SAMD3: variants seen among roughly 807,000 people sequenced by gnomAD.
SAMD3 encodes sterile alpha motif domain-containing protein 3.
A neutral mutation model predicts 58.5 loss-of-function variants in SAMD3; 63 were observed. The observed-to-expected ratio is 1.08, with a 90% CI of 0.88 to 1.33. The LOEUF (loss-of-function observed/expected upper bound fraction) is 1.33. Among genes scored for constraint, SAMD3 ranks in the 40% most tolerant of loss-of-function variants. SAMD3 has a pLI of 0.00. For synonymous variants in SAMD3, 220 were observed against 210.3 expected, an observed-to-expected ratio of 1.05 and a Z score of -0.40; for missense variants, 604 against 608.4, an observed-to-expected ratio of 0.99 and a Z score of 0.08.
At chr6:130,250,283 A>G (rs1244864849) in intron 2 of SAMD3, among the ~76,000 whole-genome samples, 1 of 152,094 alleles carries the variant, frequency 6.6e-6, no homozygotes, top group African/African-American at 2.4e-5. Flanking sequence ...TCCCCCTCCT[A>G]TTCTACGTTA....
intron 7 of SAMD3, among the ~76,000 whole-genome samples, chr6:130,180,993 G>T (rs1286848160): frequency 8.7e-6 from 1 of 114,904 alleles, no homozygotes; most frequent in Non-Finnish European, 1.7e-5. Flanking sequence ...TGTTACCTGG[G>T]CTGGAGTGCA....
intron 1 of SAMD3, among the ~76,000 whole-genome samples, chr6:130,357,946 T>C (rs1777882898): frequency 6.6e-6 from 1 of 152,364 alleles, no homozygotes; most frequent in Middle Eastern, 3.4e-3. Context: ...ATTTGGCAAG[T>C]ACTTGAGAAA....
At chr6:130,215,947 G>A (rs1299943345) in intron 2 of SAMD3, 1 of 958,252 alleles carries the variant, frequency 1.0e-6, no homozygotes, top group African/African-American at 1.6e-5. Context: ...ATACCCCTCT[G>A]AGTTCTAGAA....
chr6:130,317,223 C>T (rs190195153), intron 1 of SAMD3, among the ~76,000 whole-genome samples: 8 of 152,298 alleles, frequency 5.3e-5, no homozygotes, highest in Admixed American at 2.6e-4. Context: ...TGGAGCCCAA[C>T]GCTTTCCTAA....
At chr6:130,241,206 C>CT (rs57573903) in intron 2 of SAMD3, among the ~76,000 whole-genome samples, 1,336 of 109,212 alleles carry the variant, frequency 0.012, 26 homozygotes, top group African/African-American at 0.02. Context: ...CTTAAACCTC[C>CT]TTTTTTTTTT....
At chr6:130,219,744 G>C (rs575897461) in intron 1 of SAMD3, among the ~76,000 whole-genome samples, 1 of 152,272 alleles carries the variant, frequency 6.6e-6, no homozygotes, top group East Asian at 1.9e-4. Flanking sequence ...GATGGGGTTT[G>C]GGGTTGGTTC....
intron 7 of SAMD3, among the ~76,000 whole-genome samples, chr6:130,178,948 T>C (rs1019719457): frequency 2.6e-5 from 4 of 152,184 alleles, no homozygotes; most frequent in African/African-American, 9.7e-5. Flanking sequence ...GACTTTACCA[T>C]TGCTGTTTTA....
intron 1 of SAMD3, among the ~76,000 whole-genome samples, chr6:130,347,671 G>A (rs1421331362): frequency 6.6e-6 from 1 of 152,116 alleles, no homozygotes; most frequent in Non-Finnish European, 1.5e-5. Context: ...TTATCCAGGA[G>A]AACTTCCCCA....
At position 130,154,892 on chromosome 6, in the gene SAMD3, A is replaced by G. The variant is rs1562373824; in HGVS notation, c.956T>C (p.Met319Thr). 2 of 1,613,538 alleles carry G rather than the reference A, an allele frequency of 1.2e-6. No homozygotes were observed. The highest frequency in any genetic ancestry group is 1.7e-5 in the Admixed American group (1 of 59,974). Residue 319 changes from methionine to threonine, a missense_variant, in exon 9 of 12, where the codon ATG becomes ACG. Met to Thr is a moderately conservative substitution (Grantham distance 81). Coordinates refer to ENST00000439090, the MANE Select transcript of SAMD3 (RefSeq NM_001017373.4). ...CTTCAGAGGTGTTCGGCTGCCAATCATCTTTCTTCTTATTTCCAAAGTTTG... is the reference window on the plus strand; with the variant it reads ...CTTCAGAGGTGTTCGGCTGCCAATCGTCTTTCTTCTTATTTCCAAAGTTTG... ...MSQTLEIRRK[M>T]IGSRTPLKDI...
intron 1 of SAMD3, among the ~76,000 whole-genome samples, chr6:130,362,415 T>C (rs1415490905): frequency 2.0e-5 from 3 of 152,234 alleles, no homozygotes; most frequent in African/African-American, 7.2e-5. Flanking sequence ...ACCACTACCA[T>C]CTTCTCTCAT....
intron 2 of SAMD3, among the ~76,000 whole-genome samples, chr6:130,294,136 T>C (rs1433681332): frequency 1.3e-5 from 2 of 152,260 alleles, no homozygotes; most frequent in African/African-American, 2.4e-5. Context: ...GAATACATTA[T>C]GATTTTTTAA....
At chr6:130,274,742 G>T (rs544061762) in intron 2 of SAMD3, among the ~76,000 whole-genome samples, 2 of 145,386 alleles carry the variant, frequency 1.4e-5, no homozygotes, top group Non-Finnish European at 3.0e-5. Context: ...AGGCAGTTTG[G>T]CCTAAATATC....
intron 1 of SAMD3, among the ~76,000 whole-genome samples, chr6:130,355,224 G>A (rs1254630096): frequency 1.3e-5 from 2 of 152,146 alleles, no homozygotes; most frequent in Admixed American, 1.3e-4. Context: ...GGGAGCTCGA[G>A]ACCAGCCTAG....
chr6:130,359,726 A>G (rs1777931842), intron 1 of SAMD3, among the ~76,000 whole-genome samples: 1 of 152,230 alleles, frequency 6.6e-6, no homozygotes, highest in Non-Finnish European at 1.5e-5. Flanking sequence ...TGCCCAATAC[A>G]TTATGTGAAT....
Position 130,144,372 on chromosome 6 carries a change from A to AAGAT in SAMD3, c.*144_*147dup. ...ACAAAGAACTTAATATCTAAGTGTA[A>AAGAT]AGATAGAAAGCATTGAAATTCATTA... On this transcript the variant is annotated 3_prime_UTR_variant, in exon 12 of 12. Coordinates refer to ENST00000439090, the MANE Select transcript of SAMD3 (RefSeq NM_001017373.4). 1.5e-6 allele frequency: 1 copy of AAGAT among 662,112 alleles called. No homozygotes were observed. The highest frequency in any genetic ancestry group is 3.3e-5 in the Admixed American group (1 of 29,860). The allele number at this position is 662,112 out of a possible 1,614,324, so 41.0% of individuals were successfully genotyped here.
At chr6:130,314,033 T>C (rs1776275365) in intron 1 of SAMD3, among the ~76,000 whole-genome samples, 1 of 152,208 alleles carries the variant, frequency 6.6e-6, no homozygotes, top group African/African-American at 2.4e-5. Context: ...AGAGGAGCAA[T>C]AGTAAACATG....
At chr6:130,301,955 A>G (rs576091139) in intron 2 of SAMD3, among the ~76,000 whole-genome samples, 1 of 152,354 alleles carries the variant, frequency 6.6e-6, no homozygotes, top group South Asian at 2.1e-4. Flanking sequence ...CTCAAGAGGA[A>G]TTAAATACTT....
At chr6:130,346,685 C>T (rs1008907354) in intron 1 of SAMD3, among the ~76,000 whole-genome samples, 6 of 152,232 alleles carry the variant, frequency 3.9e-5, no homozygotes, top group Non-Finnish European at 5.9e-5. Context: ...GCAGCAGAAA[C>T]GTCTGCAGAC....
chr6:130,186,370 G>A (rs1304689415), intron 5 of SAMD3, among the ~76,000 whole-genome samples: 2 of 152,102 alleles, frequency 1.3e-5, no homozygotes, highest in African/African-American at 4.8e-5. Flanking sequence ...ACAGGAGAAA[G>A]CACTCTCACA....
Sources: allele counts gnomAD v4.1 joint callset (sites outside exome capture counted in the v4.1 genomes callset), GRCh38; gene constraint gnomAD v4.1.1; transcripts MANE v1.5; gene names NCBI Gene and HGNC (gene_info 2026-07-23, HGNC 2026-07-21).